The following ATP10A variants were observed in gnomAD, a reference collection of about 807,000 sequenced individuals.
ATP10A encodes the protein ATPase phospholipid transporting 10A (putative).
In ATP10A, 111 loss-of-function variants were observed where a neutral mutation model predicts 147.8. The ratio of observed to expected loss-of-function variants is 0.75; its 90% CI spans 0.64 to 0.88. The LOEUF (loss-of-function observed/expected upper bound fraction) is 0.88. ATP10A is among the 40% of genes least tolerant of loss of function. The pLI, the probability that ATP10A is intolerant of heterozygous loss-of-function variation, is 0.00. For synonymous variants in ATP10A, 875 were observed against 841.6 expected (o/e 1.04, Z -0.69); for missense variants, 1,927 against 1,959.0 (o/e 0.98, Z 0.31).
Position 25,701,982 on chromosome 15 carries a change from G to T in ATP10A, c.2694C>A (p.Asn898Lys), listed in dbSNP as rs748287811. 5.0e-6 allele frequency: 8 copies of T among 1,614,062 alleles called. No individual in the cohort carries two copies. The highest frequency in any genetic ancestry group is 6.8e-6 in the Non-Finnish European group (8 of 1,180,026). Residue 898 changes from asparagine (N) to lysine (K), a missense_variant, in exon 13 of 21, where the codon AAC becomes AAA. Physicochemically the swap from Asn to Lys is moderately conservative, Grantham distance 94 (BLOSUM62 0). Transcript: ENST00000555815. ...CCAGCAGTTTGCAGGCATATGCAATGTTGACAGCTGTTTCTTGTTTGTCAC... is the reference window on the plus strand; with the variant it reads ...CCAGCAGTTTGCAGGCATATGCAATTTTGACAGCTGTTTCTTGTTTGTCAC... ...LTGDKQETAV[N>K]IAYACKLLDH...
intron 1 of ATP10A, among the ~76,000 whole-genome samples, chr15:25,860,467 C>A (rs964255228): frequency 6.6e-6 from 1 of 152,206 alleles, no homozygotes; most frequent in African/African-American, 2.4e-5. Context: ...CAGGGCCTGG[C>A]ACCACCTCTT....
intron 2 of ATP10A, among the ~76,000 whole-genome samples, chr15:25,759,291 A>T (rs1388762656): frequency 1.3e-5 from 2 of 152,218 alleles, no homozygotes; most frequent in Non-Finnish European, 2.9e-5. Flanking sequence ...TTTTATCCTC[A>T]GGTAGAAGGC....
chr15:25,859,101 TAGG>T (rs1893643827), intron 1 of ATP10A, among the ~76,000 whole-genome samples: 1 of 152,108 alleles, frequency 6.6e-6, no homozygotes, highest in Admixed American at 6.5e-5. Context: ...CTTCTTCTGA[TAGG>T]AGATCTCTGC....
At chr15:25,792,892 T>C (rs977175314) in intron 1 of ATP10A, among the ~76,000 whole-genome samples, 1 of 148,476 alleles carries the variant, frequency 6.7e-6, no homozygotes, top group African/African-American at 2.5e-5. Flanking sequence ...TTTTTTGAGA[T>C]GGAGTTTTGC....
intron 12 of ATP10A, among the ~76,000 whole-genome samples, chr15:25,703,510 C>CA (rs1279829693): frequency 6.6e-6 from 1 of 152,178 alleles, no homozygotes; most frequent in Non-Finnish European, 1.5e-5. Flanking sequence ...TTTTAGCCTT[C>CA]AAAACTCTAA....
At chr15:25,828,470 A>G (rs1004578459) in intron 1 of ATP10A, among the ~76,000 whole-genome samples, 1 of 152,248 alleles carries the variant, frequency 6.6e-6, no homozygotes, top group African/African-American at 2.4e-5. Flanking sequence ...TTAGAAATGA[A>G]ATCAATAACT....
Position 25,714,076 on chromosome 15 carries a change from C to T in ATP10A, c.1942G>A (p.Asp648Asn), listed in dbSNP as rs1205352747. 4.3e-6 allele frequency: 7 copies of T among 1,613,042 alleles called. No individual in the cohort carries two copies. The highest frequency in any genetic ancestry group is 2.7e-5 in the African/African-American group (2 of 74,942). ...TCCTCCAGCCTGAGAAGCATGCCGT[C>T]GCTGGACGGGGTGGACGGGAAGCTG... ...GSSFPSTPSS[D>N]GMLLRLEERL... The change falls in exon 10 of 21, where the codon GAC becomes AAC. Residue 648 changes from aspartate (D) to asparagine (N), a missense_variant. Physicochemically the swap from Asp to Asn is conservative, Grantham distance 23. Transcript: ENST00000555815.
chr15:25,727,322 G>A, intron 3 of ATP10A, 56 bp from the exon 4 acceptor site: 2 of 1,407,058 alleles, frequency 1.4e-6, no homozygotes, highest in Non-Finnish European at 2.0e-6. Context: ...CCTCATGTCT[G>A]GAGCCGCAAT....
At chr15:25,785,357 G>C (rs1425293514) in intron 1 of ATP10A, among the ~76,000 whole-genome samples, 1 of 152,220 alleles carries the variant, frequency 6.6e-6, no homozygotes, top group Non-Finnish European at 1.5e-5. Flanking sequence ...GGGAGAACAT[G>C]GCGAGGGGAG....
At chr15:25,791,084 GTT>G (rs66598588) in intron 1 of ATP10A, among the ~76,000 whole-genome samples, 10 of 129,594 alleles carry the variant, frequency 7.7e-5, no homozygotes, top group African/African-American at 1.9e-4. Flanking sequence ...CCCTGCAAGT[GTT>G]TTTTTTTTTT....
intron 1 of ATP10A, among the ~76,000 whole-genome samples, chr15:25,835,035 G>T (rs1369631539): frequency 2.0e-5 from 3 of 152,296 alleles, no homozygotes; most frequent in South Asian, 2.1e-4. Context: ...GGCCGAGGCA[G>T]GATGATCACT....
chr15:25,758,917 AC>A (rs1252750316), intron 2 of ATP10A, among the ~76,000 whole-genome samples: 2 of 151,938 alleles, frequency 1.3e-5, no homozygotes, highest in African/African-American at 4.8e-5. Context: ...CTCCACCCTA[AC>A]TCATTCTGAT....
rs375266969 is a variant in ATP10A at position 25,727,191 on chromosome 15, C to T, written c.816G>A (p.Thr272=). The T allele has an allele frequency of 1.9e-6, 3 of 1,613,714 alleles. No homozygotes were observed. The highest frequency in any genetic ancestry group is 1.7e-5 in the Admixed American group (1 of 59,964). ...AGATGACAATGCCGACGACTGCGTC[C>T]GTGTTCCTAAGGGTGCAGCCCCTCA... ...LLLRGCTLRN[T]DAVVGIVIYA... is the part of the protein sequence containing the mutation. The change falls in exon 4 of 21, where the codon ACG becomes ACA. Residue 272 remains threonine, a synonymous_variant. Transcript: ENST00000555815.
chr15:25,702,204 G>GT (rs1214898671), intron 12 of ATP10A, 104 bp from the exon 13 acceptor site: 2 of 1,213,820 alleles, frequency 1.6e-6, no homozygotes, highest in Admixed American at 4.9e-5. Flanking sequence ...GCAGGCACTG[G>GT]TACAGCCCCT....
At chr15:25,805,339 T>C (rs771630826) in intron 1 of ATP10A, among the ~76,000 whole-genome samples, 15 of 152,196 alleles carry the variant, frequency 9.9e-5, no homozygotes, top group Non-Finnish European at 1.8e-4. Context: ...CGGGTCTCGA[T>C]CCAGGAAAAG....
rs7178018 is a variant in ATP10A, at chr15:25,680,528, G to A, written c.3679-220C>T. Among the ~76,000 whole-genome samples the A allele has an allele frequency of 0.31, 46,427 of 151,942 alleles. 7,458 individuals are homozygous for A. The highest frequency in any genetic ancestry group is 0.36 in the Non-Finnish European group (24,178 of 67,936). On this transcript the variant is annotated intron_variant, in intron 19 of 20. Coordinates refer to ENST00000555815, the MANE Select transcript of ATP10A (RefSeq NM_024490.4). ...CATGAGGTGAGATGGAGTCAGGGGC[G>A]AGAGGGCAAGACAGGAGGGAAAGGA...
chr15:25,815,309 G>A (rs1891602583), intron 1 of ATP10A, among the ~76,000 whole-genome samples: 1 of 152,094 alleles, frequency 6.6e-6, no homozygotes, highest in South Asian at 2.1e-4. Context: ...ACATGCATGG[G>A]CTTCTTGGGA....
chr15:25,823,943 C>T (rs78375779), intron 1 of ATP10A, among the ~76,000 whole-genome samples: 5,914 of 152,240 alleles, frequency 0.039, 154 homozygotes, highest in African/African-American at 0.07. Context: ...TCTTTTGCAC[C>T]TATGCACCTC....
In ATP10A at chr15:25,730,646, G is replaced by A. The variant is rs115798285; in HGVS notation, c.741-3380C>T. Among the ~76,000 whole-genome samples the A allele has an allele frequency of 2.3e-3, 355 of 152,262 alleles. 1 individual carries two copies. Among genetic ancestry groups the A allele is most frequent in the African/African-American group, 8.2e-3 (339 of 41,546 alleles). On this transcript the variant is annotated intron_variant, in intron 3 of 20. Coordinates refer to ENST00000555815, the MANE Select transcript of ATP10A (RefSeq NM_024490.4). The stretch of plus-strand genomic sequence containing the variant: ...TCTATATGAATCAGGGTGTTCAGTC[G>A]GCTTCCTAAGTGGGTCCTGACTGAC...
Sources: gnomAD v4.1 joint callset for allele counts (sites outside exome capture counted in the v4.1 genomes callset) on GRCh38, gnomAD v4.1.1 for gene constraint, MANE v1.5 for transcripts, NCBI Gene and HGNC (gene_info 2026-07-23, HGNC 2026-07-21) for gene names.